Variants in ABAT observed in about 807,000 individuals in gnomAD.
ABAT encodes 4-aminobutyrate aminotransferase, also known as 4-aminobutyrate aminotransferase, mitochondrial.
ABAT carries 45 observed loss-of-function variants against 64.6 expected under a neutral mutation model. The ratio of observed to expected loss-of-function variants is 0.70; its 90% CI spans 0.55 to 0.89. The LOEUF (loss-of-function observed/expected upper bound fraction) is 0.89, where lower values mean the gene tolerates loss of function less well. Among genes scored for constraint, ABAT ranks in the 40% least tolerant of loss-of-function variants. The probability of loss-of-function intolerance (pLI) is 0.00; values close to 1 mark genes in which losing one functional copy is unlikely to be tolerated. For synonymous variants in ABAT, 297 were observed against 250.5 expected (o/e 1.19, Z -1.75); for missense variants, 633 against 658.4 (o/e 0.96, Z 0.42).
rs8046260 is a variant in ABAT at position 8,685,992 on chromosome 16, G to T, written c.-42+11281G>T. ...GCCTTTGAGCTCAGATTTCCTTAGG[G>T]AAACAGCCAATCCCAGGGGCAGATT... On this transcript the variant is annotated intron_variant, in intron 1 of 15. Coordinates refer to ENST00000268251, the MANE Select transcript of ABAT (RefSeq NM_020686.6). 2.8e-3 allele frequency among the ~76,000 whole-genome samples: 424 copies of T among 152,322 alleles called. 1 individual carries two copies. Among genetic ancestry groups the T allele is most frequent in the African/African-American group, 9.7e-3 (402 of 41,572 alleles).
intron 1 of ABAT, among the ~76,000 whole-genome samples, chr16:8,676,046 AG>A (rs2057192833): frequency 8.6e-6 from 1 of 116,546 alleles, no homozygotes; most frequent in Non-Finnish European, 1.8e-5. Flanking sequence ...GGGGGTGGGG[AG>A]GGGGTGGGAA....
chr16:8,694,071 C>A (rs576463590), intron 1 of ABAT, among the ~76,000 whole-genome samples: 33 of 152,016 alleles, frequency 2.2e-4, no homozygotes, highest in African/African-American at 7.5e-4. Context: ...GCACTGTCAC[C>A]CAGGCTGGAG....
At chr16:8,700,219 C>T (rs1458447621) in intron 1 of ABAT, among the ~76,000 whole-genome samples, 1 of 152,148 alleles carries the variant, frequency 6.6e-6, no homozygotes, top group African/African-American at 2.4e-5. Flanking sequence ...CCTCTCACAG[C>T]TTGTGGTTAC....
rs185275952 is a variant in ABAT, at chr16:8,765,927, A to G, written c.541-281A>G. On this transcript the variant is annotated intron_variant, in intron 8 of 15. Coordinates refer to ENST00000268251, the MANE Select transcript of ABAT (RefSeq NM_020686.6). ...ATTTGAGCCCGCACATCTGGCCTCC[A>G]TTCTTCCTGGCAAAACATGCAACGC... 2,516 of 405,622 alleles carry G rather than the reference A, an allele frequency of 6.2e-3. 11 individuals are homozygous for G. The highest frequency in any genetic ancestry group is 9.2e-3 in the Non-Finnish European group (1,955 of 213,294). 25.1% of individuals were successfully genotyped at this position (405,622 alleles called of 1,614,324 possible). A position where few individuals can be genotyped will look rare whatever the true frequency, so the allele number is the denominator to read the frequency against.
intron 1 of ABAT, among the ~76,000 whole-genome samples, chr16:8,725,048 C>T (rs1447813999): frequency 6.6e-6 from 1 of 151,946 alleles, no homozygotes; most frequent in Non-Finnish European, 1.5e-5. Flanking sequence ...TCCAAAGTAG[C>T]TGGGATTACA....
chr16:8,679,319 C>T (rs189320796), intron 1 of ABAT, among the ~76,000 whole-genome samples: 33 of 152,270 alleles, frequency 2.2e-4, no homozygotes, highest in African/African-American at 7.5e-4. Context: ...AGACAGGAAT[C>T]TGAGGCTCAT....
At chr16:8,738,829 G>C (rs905250767) in intron 2 of ABAT, among the ~76,000 whole-genome samples, 2 of 151,894 alleles carry the variant, frequency 1.3e-5, no homozygotes, top group African/African-American at 2.4e-5. Flanking sequence ...ATTTTTTGTA[G>C]AGACAGGGTT....
intron 2 of ABAT, 175 bp downstream of exon 2, chr16:8,735,984 G>C: frequency 1.6e-6 from 1 of 620,362 alleles, no homozygotes; most frequent in Non-Finnish European, 2.8e-6. Flanking sequence ...ACCTGAGACT[G>C]GGTATTTTAT....
intron 8 of ABAT, 28 bp from the exon 9 acceptor site, chr16:8,766,178 CTG>C (rs2059937650): frequency 1.9e-6 from 3 of 1,611,788 alleles, no homozygotes; most frequent in African/African-American, 2.7e-5. Flanking sequence ...CAGAGCATCT[CTG>C]AGATTTTGTT....
At chr16:8,738,293 C>T (rs1046917712) in intron 2 of ABAT, 13 of 405,586 alleles carry the variant, frequency 3.2e-5, no homozygotes, top group Non-Finnish European at 5.8e-5. Context: ...AGCACTCCAG[C>T]CTGGGTGGCC....
intron 1 of ABAT, among the ~76,000 whole-genome samples, chr16:8,702,950 T>A (rs1048074119): frequency 6.6e-6 from 1 of 152,060 alleles, no homozygotes; most frequent in African/African-American, 2.4e-5. Context: ...GGATCTGTTT[T>A]CAAGATGGAG....
At chr16:8,717,526 AACCAGACCAGCAGGTG>A (rs1290682955) in intron 1 of ABAT, among the ~76,000 whole-genome samples, 3 of 152,148 alleles carry the variant, frequency 2.0e-5, no homozygotes, top group Admixed American at 2.0e-4. Flanking sequence ...CTCCAAACCA[AACCAGACCAGCAGGTG>A]ACAGTGCAGT....
intron 2 of ABAT, among the ~76,000 whole-genome samples, chr16:8,738,114 G>A (rs890057166): frequency 1.3e-5 from 2 of 149,522 alleles, no homozygotes; most frequent in Admixed American, 6.7e-5. Flanking sequence ...TGAGCCCAGG[G>A]GTTTGAGACC....
intron 1 of ABAT, among the ~76,000 whole-genome samples, chr16:8,716,463 CT>C (rs2058219087): frequency 6.6e-6 from 1 of 152,102 alleles, no homozygotes; most frequent in Admixed American, 6.5e-5. Context: ...TCCCAGCACC[CT>C]CACCTTGGCC....
intron 11 of ABAT, among the ~76,000 whole-genome samples, chr16:8,769,544 G>A (rs558882409): frequency 3.0e-5 from 4 of 134,692 alleles, no homozygotes; most frequent in African/African-American, 1.1e-4. Flanking sequence ...GGGTAACGGA[G>A]TGAGACTCTG....
intron 2 of ABAT, among the ~76,000 whole-genome samples, chr16:8,743,037 A>G (rs891236276): frequency 8.1e-5 from 12 of 148,048 alleles, no homozygotes; most frequent in African/African-American, 3.0e-4. Flanking sequence ...AGTCATCGAT[A>G]TGTTCTAGGA....
intron 3 of ABAT, among the ~76,000 whole-genome samples, chr16:8,746,860 G>A (rs989371125): frequency 2.6e-5 from 4 of 152,200 alleles, no homozygotes; most frequent in African/African-American, 9.7e-5. Context: ...AGGTTCATTG[G>A]GAGTTGGGTA....
At chr16:8,711,762 A>AGATG (rs2058079278) in intron 1 of ABAT, among the ~76,000 whole-genome samples, 1 of 125,962 alleles carries the variant, frequency 7.9e-6, no homozygotes, top group Middle Eastern at 3.9e-3. Flanking sequence ...ATGGATGGGA[A>AGATG]GATGGATGGA....
chr16:8,683,794 T>G (rs1401687553), intron 1 of ABAT, among the ~76,000 whole-genome samples: 1 of 152,204 alleles, frequency 6.6e-6, no homozygotes, highest in African/African-American at 2.4e-5. Context: ...ATCTATAGTA[T>G]TGAACAAGAA....
Sources: gnomAD v4.1 joint callset for allele counts (sites outside exome capture counted in the v4.1 genomes callset) on GRCh38, gnomAD v4.1.1 for gene constraint, MANE v1.5 for transcripts, NCBI Gene and HGNC (gene_info 2026-07-23, HGNC 2026-07-21) for gene names.